Variants in BCL2L1 observed in about 807,000 individuals in gnomAD.
BCL2L1 encodes the protein bcl-2-like protein 1.
BCL2L1 carries 1 observed loss-of-function variant against 18.7 expected under a neutral mutation model. The ratio of observed to expected loss-of-function variants is 0.05; its 90% CI spans 0.02 to 0.25. The LOEUF (loss-of-function observed/expected upper bound fraction) is 0.25, where lower values mean the gene tolerates loss of function less well. Ranked by LOEUF, BCL2L1 falls within the 10% of genes least tolerant of loss-of-function variation. BCL2L1 has a pLI of 1.00. For synonymous variants in BCL2L1, 103 were observed against 122.7 expected (o/e 0.84, Z 1.06); for missense variants, 207 against 304.9 (o/e 0.68, Z 2.39).
rs145579269 is a variant in BCL2L1, at chr20:31,675,568, C to T, written c.565-9482G>A. On this transcript the variant is annotated intron_variant, in intron 2 of 2. Coordinates refer to ENST00000307677, the MANE Select transcript of BCL2L1 (RefSeq NM_138578.3). ...TTTTCCCAGGGGAGCTGTTGGCTCC[C>T]GAGATGTGAGAAGAACATGGCCTTT... Among the ~76,000 whole-genome samples the T allele has an allele frequency of 6.7e-3, 1,017 of 152,200 alleles. 11 individuals carry two copies. The highest frequency in any genetic ancestry group is 0.023 in the African/African-American group (965 of 41,508).
rs2060592309 is a variant in BCL2L1 at position 31,666,576 on chromosome 20, G to T, written c.565-490C>A. Among the ~76,000 whole-genome samples the T allele has an allele frequency of 2.6e-5, 4 of 152,142 alleles. No homozygotes were observed. The South Asian group carries it at 8.3e-4, about 31-fold the overall frequency. ...AGATTTTCTACTGCTGCACCAGAGG[G>T]AGGGATAAGGAAGCCCAGGGCTAAA... is the stretch of plus-strand genomic sequence containing the variant. On this transcript the variant is annotated intron_variant, in intron 2 of 2. Coordinates refer to ENST00000307677, the MANE Select transcript of BCL2L1 (RefSeq NM_138578.3).
At chr20:31,704,844 G>A (rs373381616) in intron 2 of BCL2L1, among the ~76,000 whole-genome samples, 2 of 152,148 alleles carry the variant, frequency 1.3e-5, no homozygotes, top group Non-Finnish European at 1.5e-5. Flanking sequence ...GGAACTGGTC[G>A]ATAAAGAGTT....
chr20:31,720,972 C>T (rs1466094130), intron 2 of BCL2L1: 1 of 985,406 alleles, frequency 1.0e-6, no homozygotes, highest in African/African-American at 1.7e-5. Flanking sequence ...AGCAAGTGCT[C>T]CACAAACAAG....
chr20:31,713,212 C>A, intron 2 of BCL2L1: 1 of 948,286 alleles, frequency 1.1e-6, no homozygotes, highest in South Asian at 4.9e-5. Flanking sequence ...TAACTGACCT[C>A]CCTCACAGCC....
chr20:31,671,511 G>A (rs566617015), intron 2 of BCL2L1, among the ~76,000 whole-genome samples: 1 of 152,104 alleles, frequency 6.6e-6, no homozygotes, highest in Non-Finnish European at 1.5e-5. Flanking sequence ...CTCCATTTTG[G>A]AGTCCCCTCT....
chr20:31,668,707 C>A (rs569374669), intron 2 of BCL2L1, among the ~76,000 whole-genome samples: 39 of 151,280 alleles, frequency 2.6e-4, no homozygotes, highest in African/African-American at 9.0e-4. Flanking sequence ...CAGGTTCAAG[C>A]GATTCTCCTG....
rs143142638 is a variant in BCL2L1, at chr20:31,691,520, A to AAAAATAAAAT, written c.565-25444_565-25435dup. Among the ~76,000 whole-genome samples, 1,169 of 144,640 alleles carry AAAAATAAAAT rather than the reference A, an allele frequency of 8.1e-3. 26 individuals are homozygous for AAAAATAAAAT. The highest frequency in any genetic ancestry group is 0.025 in the African/African-American group (936 of 38,176). 94.9% of individuals were successfully genotyped at this position (144,640 alleles called of 152,430 possible). On this transcript the variant is annotated intron_variant, in intron 2 of 2. Transcript: ENST00000307677. Reference sequence around the variant, plus strand: ...CAGAGCGAGACTCTATCTCAAAATAAAAAATAAAATAAAATAAAATAAAAT... The same window carrying AAAAATAAAAT: ...CAGAGCGAGACTCTATCTCAAAATAAAAAATAAAATAAAATAAAATAAAATAAAATAAAAT...
intron 2 of BCL2L1, among the ~76,000 whole-genome samples, chr20:31,679,637 C>G (rs1023012208): frequency 1.3e-5 from 2 of 152,184 alleles, no homozygotes; most frequent in Non-Finnish European, 2.9e-5. Flanking sequence ...TAAATGTTAG[C>G]TGCTGCTGCT....
At chr20:31,670,043 G>C (rs1300930291) in intron 2 of BCL2L1, among the ~76,000 whole-genome samples, 1 of 152,208 alleles carries the variant, frequency 6.6e-6, no homozygotes, top group African/African-American at 2.4e-5. Flanking sequence ...GCTATGTCAG[G>C]ACACTTCCCT....
At chr20:31,699,868 T>C (rs754107764) in intron 2 of BCL2L1, among the ~76,000 whole-genome samples, 8 of 152,224 alleles carry the variant, frequency 5.3e-5, no homozygotes, top group Non-Finnish European at 1.2e-4. Flanking sequence ...AGGTGCTCAA[T>C]AAATGGTAGT....
intron 2 of BCL2L1, among the ~76,000 whole-genome samples, chr20:31,691,520 AAAAATAAAATAAAATAAAAT>A (rs143142638): frequency 2.1e-5 from 3 of 144,560 alleles, no homozygotes; most frequent in African/African-American, 5.3e-5. Context: ...TCTCAAAATA[AAAAATAAAATAAAATAAAAT>A]AAAATAAAAT....
intron 2 of BCL2L1, among the ~76,000 whole-genome samples, chr20:31,704,688 G>GT (rs1441925932): frequency 1.3e-5 from 2 of 152,126 alleles, no homozygotes; most frequent in African/African-American, 4.8e-5. Flanking sequence ...CACCTGTATT[G>GT]TTTCTGCCTC....
At chr20:31,670,172 C>T (rs1262678763) in intron 2 of BCL2L1, among the ~76,000 whole-genome samples, 1 of 152,164 alleles carries the variant, frequency 6.6e-6, no homozygotes, top group Non-Finnish European at 1.5e-5. Context: ...GCACTAGGGC[C>T]GTGGCTATGC....
chr20:31,667,559 C>T (rs1416251046), intron 2 of BCL2L1, among the ~76,000 whole-genome samples: 1 of 149,192 alleles, frequency 6.7e-6, no homozygotes, highest in Admixed American at 6.7e-5. Flanking sequence ...CTACCAAGAC[C>T]TCTGCCACAC....
At chr20:31,701,140 G>A (rs1465568829) in intron 2 of BCL2L1, among the ~76,000 whole-genome samples, 1 of 151,914 alleles carries the variant, frequency 6.6e-6, no homozygotes, top group Non-Finnish European at 1.5e-5. Flanking sequence ...TGCAACCTCC[G>A]CCTCCTGGGT....
chr20:31,679,433 C>A (rs1185621760), intron 2 of BCL2L1, among the ~76,000 whole-genome samples: 1 of 152,204 alleles, frequency 6.6e-6, no homozygotes, highest in Non-Finnish European at 1.5e-5. Flanking sequence ...CAGAGCACAG[C>A]CTGGTCTCAG....
intron 2 of BCL2L1, among the ~76,000 whole-genome samples, chr20:31,700,517 A>G (rs1310739484): frequency 2.6e-5 from 4 of 152,146 alleles, no homozygotes; most frequent in Admixed American, 2.0e-4. Context: ...TTATTACCTA[A>G]TGAAAGAGAC....
chr20:31,715,460 T>C (rs1243446657), intron 2 of BCL2L1, among the ~76,000 whole-genome samples: 1 of 152,038 alleles, frequency 6.6e-6, no homozygotes, highest in African/African-American at 2.4e-5. Context: ...TGCTCATCCT[T>C]GAAAATGTCA....
intron 2 of BCL2L1, among the ~76,000 whole-genome samples, chr20:31,695,591 C>T (rs774739709): frequency 5.3e-5 from 8 of 152,192 alleles, no homozygotes; most frequent in African/African-American, 9.7e-5. Flanking sequence ...CTCAGTGTCC[C>T]GAGTAGCTAG....
Sources: gnomAD v4.1 joint callset for allele counts (sites outside exome capture counted in the v4.1 genomes callset) on GRCh38, gnomAD v4.1.1 for gene constraint, MANE v1.5 for transcripts, NCBI Gene and HGNC (gene_info 2026-07-23, HGNC 2026-07-21) for gene names.